The following TEDC2 variants were observed in gnomAD, a reference collection of about 807,000 sequenced individuals.
TEDC2 encodes the protein tubulin epsilon and delta complex 2, also known as tubulin epsilon and delta complex protein 2.
TEDC2 carries 49 observed loss-of-function variants against 48.1 expected under a neutral mutation model. The observed-to-expected ratio is 1.02, with a 90% CI of 0.81 to 1.29. The LOEUF (loss-of-function observed/expected upper bound fraction) is 1.29. TEDC2 is among the 50% of genes most tolerant of loss of function. The pLI, the probability that TEDC2 is intolerant of heterozygous loss-of-function variation, is 0.00. For synonymous variants in TEDC2, 299 were observed against 247.1 expected, an observed-to-expected ratio of 1.21 and a Z score of -1.97; for missense variants, 631 against 571.4, an observed-to-expected ratio of 1.10 and a Z score of -1.06.
Position 2,464,879 on chromosome 16 carries a change from G to A in TEDC2, c.*211G>A, listed in dbSNP as rs779012473. 244 of 636,908 alleles carry A rather than the reference G, an allele frequency of 3.8e-4. No homozygotes were observed. Among genetic ancestry groups the A allele is most frequent in the Admixed American group, 1.1e-3 (35 of 30,986 alleles). 39.5% of individuals were successfully genotyped at this position (636,908 alleles called of 1,614,324 possible). ...AGGCTCCTGGACTCCAGAGGCCAGC[G>A]GGGAGCCTTTCCTGGCTCCCTCTGT... On this transcript the variant is annotated 3_prime_UTR_variant, in exon 10 of 10. Coordinates refer to ENST00000361837, the MANE Select transcript of TEDC2 (RefSeq NM_025108.3).
At chr16:2,463,162 A>G (rs187127908) in intron 8 of TEDC2, among the ~76,000 whole-genome samples, 64 of 151,924 alleles carry the variant, frequency 4.2e-4, no homozygotes, top group Non-Finnish European at 1.2e-4. Context: ...TCTACTAAAA[A>G]TATAAAAAAG....
At chr16:2,460,414 C>A in intron 2 of TEDC2, 33 bp downstream of exon 2, 1 of 1,541,652 alleles carries the variant, frequency 6.5e-7, no homozygotes, top group African/African-American at 1.4e-5. Context: ...GGCCAGACCT[C>A]CCTCGGGCCC....
At chr16:2,460,193 G>A in intron 1 of TEDC2, 23 bp downstream of exon 1, 1 of 1,422,022 alleles carries the variant, frequency 7.0e-7, no homozygotes, top group Non-Finnish European at 9.1e-7. Flanking sequence ...CGGCAGGAGG[G>A]GGTGGGAGGA....
rs560400790 is a variant in TEDC2 at position 2,464,566 on chromosome 16, G to C, written c.1200G>C (p.Pro400=). ...TCCCCCTGGTAAGCGCTGCACAGCC[G>C]CAGGGGCCGCCCTGGCTGGCCCTGT... is the stretch of plus-strand genomic sequence containing the variant. ...ELLPLVSAAQ[P]QGPPWLALCR... Residue 400 remains proline, a synonymous_variant, in exon 10 of 10, where the codon CCG becomes CCC. Coordinates refer to ENST00000361837, the MANE Select transcript of TEDC2 (RefSeq NM_025108.3). 1 of 1,604,432 alleles carries C rather than the reference G, an allele frequency of 6.2e-7. No homozygotes were observed. The highest frequency in any genetic ancestry group is 8.5e-7 in the Non-Finnish European group (1 of 1,178,682).
intron 8 of TEDC2, among the ~76,000 whole-genome samples, 164 bp downstream of exon 8, chr16:2,462,896 G>A (rs868038145): frequency 5.3e-5 from 8 of 152,332 alleles, no homozygotes; most frequent in African/African-American, 1.7e-4. Flanking sequence ...AGTGTGCTGG[G>A]TCCTCACCAG....
At chr16:2,460,259 C>G in intron 1 of TEDC2, 24 bp from the exon 2 acceptor site, 2 of 1,515,110 alleles carry the variant, frequency 1.3e-6, no homozygotes, top group African/African-American at 1.4e-5. Flanking sequence ...GGCCGAGGTG[C>G]TGAGCCGCCG....
At position 2,462,395 on chromosome 16, in the gene TEDC2, T is replaced by C. The variant is rs199829580; in HGVS notation, c.751-20T>C. ...CAGAGGGGCTTTGGCTGCAGGGAAG[T>C]TTTCCTGACCCATATCCAGTCAGGC... On this transcript the variant is annotated intron_variant, in intron 6 of 9. Coordinates refer to ENST00000361837, the MANE Select transcript of TEDC2 (RefSeq NM_025108.3). 1 of 1,611,226 alleles carries C rather than the reference T, an allele frequency of 6.2e-7. No individual in the cohort carries two copies. Among genetic ancestry groups the C allele is most frequent in the African/African-American group, 1.3e-5 (1 of 74,898 alleles).
Position 2,460,354 on chromosome 16 carries a change from G to T in TEDC2, c.98G>T (p.Arg33Leu). ...QRQLQLEQSLRVCRRLLHAWE... is the reference protein window; with the variant it reads ...QRQLQLEQSLLVCRRLLHAWE... Reference sequence around the variant, plus strand: ...CAATTGCAATTGGAGCAGAGCCTGCGCGTTTGCCGTCGGCTGCTGCATGCC... The same window carrying T: ...CAATTGCAATTGGAGCAGAGCCTGCTCGTTTGCCGTCGGCTGCTGCATGCC... Residue 33 changes from arginine (R) to leucine (L), a missense_variant, in exon 2 of 10, where the codon CGC becomes CTC. By Grantham distance (102) the Arg-to-Leu change is moderately radical. Coordinates refer to ENST00000361837, the MANE Select transcript of TEDC2 (RefSeq NM_025108.3). 1.3e-6 allele frequency: 2 copies of T among 1,544,360 alleles called. No individual in the cohort carries two copies. Among genetic ancestry groups the T allele is most frequent in the Middle Eastern group, 3.3e-4 (2 of 5,976 alleles).
chr16:2,462,218 C>A lies in TEDC2; in HGVS notation c.729C>A (p.Phe243Leu). ...ATGCCGCCGCTGCCAAAACCCAGTT[C>A]CTCCAGAACATGCAGACAGCTGTAT... is the stretch of plus-strand genomic sequence containing the variant. ...STDAAAAKTQ[F>L]LQNMQTASGG... Residue 243 changes from phenylalanine (F) to leucine (L), a missense_variant, in exon 6 of 10, where the codon TTC (phenylalanine) becomes TTA (leucine). Physicochemically the swap from Phe to Leu is conservative, Grantham distance 22 (BLOSUM62 0). Transcript: ENST00000361837. The A allele has an allele frequency of 6.2e-7, 1 of 1,613,426 alleles. No individual in the cohort carries two copies.
chr16:2,460,181 C>T lies in TEDC2; in HGVS notation c.26+11C>T. The T allele has an allele frequency of 1.5e-6, 2 of 1,374,906 alleles. No homozygotes were observed. The highest frequency in any genetic ancestry group is 1.9e-6 in the Non-Finnish European group (2 of 1,074,362). The allele number at this position is 1,374,906 out of a possible 1,614,324, so 85.2% of individuals were successfully genotyped here. A position where few individuals can be genotyped will look rare whatever the true frequency, so the allele number is the denominator to read the frequency against. ...GGGCTGCTCGCGCCGGTGAGGCCTGCGCGGCAGGAGGGGGTGGGAGGATGC... is the reference window on the plus strand; with the variant it reads ...GGGCTGCTCGCGCCGGTGAGGCCTGTGCGGCAGGAGGGGGTGGGAGGATGC... On this transcript the variant is annotated intron_variant, in intron 1 of 9. Coordinates refer to ENST00000361837, the MANE Select transcript of TEDC2 (RefSeq NM_025108.3).
At position 2,462,509 on chromosome 16, in the gene TEDC2, G is replaced by A. The variant is rs1046130282; in HGVS notation, c.845G>A (p.Arg282Lys). ...KACSLLRLRM[R>K]EELSAAPMDW... is the part of the protein sequence containing the mutation. ...TGCTCGCTGCTGAGACTGCGCATGA[G>A]GGAGGAGCTCTCGGCAGGTCAGTGG... Residue 282 changes from arginine to lysine, a missense_variant, in exon 7 of 10, where the codon AGG becomes AAG. By Grantham distance (26) the Arg-to-Lys change is conservative (BLOSUM62 2). Coordinates refer to ENST00000361837, the MANE Select transcript of TEDC2 (RefSeq NM_025108.3). 10 of 1,605,184 alleles carry A rather than the reference G, an allele frequency of 6.2e-6. No homozygotes were observed. The East Asian group carries it at 2.2e-4, about 36-fold the overall frequency.
At chr16:2,461,898 G>T (rs933560266) in intron 5 of TEDC2, 98 bp downstream of exon 5, 3 of 1,461,898 alleles carry the variant, frequency 2.1e-6, no homozygotes, top group African/African-American at 2.8e-5. Flanking sequence ...GGGTCTCTTT[G>T]TCCTCTTTGC....
At chr16:2,462,074 C>T (rs909284407) in intron 5 of TEDC2, 75 bp from the exon 6 acceptor site, 109 of 1,527,486 alleles carry the variant, frequency 7.1e-5, no homozygotes, top group Non-Finnish European at 9.6e-5. Context: ...TGCCTACCTC[C>T]CAAGGCCCAG....
rs529843523 is a variant in TEDC2, at chr16:2,461,771, A to T, written c.630A>T (p.Ala210=). ...GGCACCTGCTGCGGCTGCCTGCGGC[A>T]TTCAGGAAAGCAGCTTCCCAGAACT... ...EKGHLLRLPA[A]FRKAASQNSS... Residue 210 remains alanine (A), a synonymous_variant, in exon 5 of 10, where the codon GCA becomes GCT. Coordinates refer to ENST00000361837, the MANE Select transcript of TEDC2 (RefSeq NM_025108.3). 16 of 1,613,316 alleles carry T rather than the reference A, an allele frequency of 9.9e-6. No individual in the cohort carries two copies. In the Admixed American group the frequency reaches 2.7e-4, roughly 27 times the overall value.
At chr16:2,460,207 G>A (rs1019595568) in intron 1 of TEDC2, 37 bp downstream of exon 1, 8 of 1,431,134 alleles carry the variant, frequency 5.6e-6, no homozygotes, top group South Asian at 4.4e-5. Context: ...GGGAGGATGC[G>A]GGCGGGCCGG....
chr16:2,464,446 G>A (rs2065487403), intron 9 of TEDC2, 76 bp from the exon 10 acceptor site: 1 of 1,438,606 alleles, frequency 7.0e-7, no homozygotes, highest in Non-Finnish European at 9.3e-7. Flanking sequence ...AAGCATGGGG[G>A]CCTCGAAGCC....
chr16:2,461,137 C>T lies in TEDC2; in HGVS notation c.518C>T (p.Pro173Leu). ...GTRVGMGARTPRPGAGLRDQQ... is the reference protein window; with the variant it reads ...GTRVGMGARTLRPGAGLRDQQ... ...CGTGTTGGGATGGGAGCCCGAACCC[C>T]CAGGCCTGGGGCGGGCCTCAGGGAC... Residue 173 changes from proline to leucine, a missense_variant, in exon 4 of 10, where the codon CCC becomes CTC. Physicochemically the swap from Pro to Leu is moderately conservative, Grantham distance 98. Coordinates refer to ENST00000361837, the MANE Select transcript of TEDC2 (RefSeq NM_025108.3). 2.6e-6 allele frequency: 4 copies of T among 1,557,422 alleles called. No individual in the cohort carries two copies. Among genetic ancestry groups the T allele is most frequent in the Non-Finnish European group, 3.5e-6 (4 of 1,149,958 alleles).
chr16:2,460,632 T>G lies in TEDC2; in HGVS notation c.135T>G (p.Thr45=), dbSNP rs910998107. 9 of 1,612,776 alleles carry G rather than the reference T, an allele frequency of 5.6e-6. No individual in the cohort carries two copies. The highest frequency in any genetic ancestry group is 1.3e-5 in the African/African-American group (1 of 74,920). The change falls in exon 3 of 10, where the codon ACT becomes ACG. Residue 45 remains threonine (T), a synonymous_variant. Transcript: ENST00000361837. The part of the protein sequence containing the change: ...CRRLLHAWEP[T]GTRALKPPPG... ...GCCCGTGTCTTTGCAGGGAACCAAC[T>G]GGGACCCGGGCTTTGAAGCCACCTC...
Position 2,460,554 on chromosome 16 carries a change from G to C in TEDC2, c.126-69G>C. 5.1e-6 allele frequency: 8 copies of C among 1,580,126 alleles called. 1 individual carries two copies. The South Asian group carries it at 8.0e-5, about 16-fold the overall frequency. On this transcript the variant is annotated intron_variant, in intron 2 of 9. Coordinates refer to ENST00000361837, the MANE Select transcript of TEDC2 (RefSeq NM_025108.3). Reference sequence around the variant, plus strand: ...CTGGGGGCCTGCCGCGGGGCCCGGCGGCCCCCTCGGGTCTGTTTGGGCTGG... The same window carrying C: ...CTGGGGGCCTGCCGCGGGGCCCGGCCGCCCCCTCGGGTCTGTTTGGGCTGG...
Sources: allele counts gnomAD v4.1 joint callset (sites outside exome capture counted in the v4.1 genomes callset), GRCh38; gene constraint gnomAD v4.1.1; transcripts MANE v1.5; gene names NCBI Gene and HGNC (gene_info 2026-07-23, HGNC 2026-07-21).